Variants in SOX5 observed in about 807,000 individuals in gnomAD.
SOX5 encodes the protein SRY-box transcription factor 5, also known as transcription factor SOX-5.
SOX5 carries 9 observed loss-of-function variants against 92.0 expected under a neutral mutation model. The observed-to-expected ratio is 0.10, with a 90% confidence interval of 0.06 to 0.17. The LOEUF is 0.17. Ranked by LOEUF, SOX5 falls within the 10% of genes least tolerant of loss-of-function variation. The pLI is 1.00. For synonymous variants in SOX5, 344 were observed against 336.3 expected (o/e 1.02, Z -0.25); for missense variants, 642 against 944.5 (o/e 0.68, Z 4.20).
chr12:24,015,773 G>C (rs968961282), intron 4 of SOX5, among the ~76,000 whole-genome samples: 2 of 152,008 alleles, frequency 1.3e-5, no homozygotes, highest in African/African-American at 4.8e-5. Context: ...CATCAAAAAA[G>C]GGCGCCCAAA....
chr12:24,120,929 T>G (rs989801274), intron 4 of SOX5, among the ~76,000 whole-genome samples: 2 of 151,948 alleles, frequency 1.3e-5, no homozygotes, highest in African/African-American at 4.8e-5. Context: ...ATGAGAAAAA[T>G]TTACAGTCCT....
rs58384963 is a variant in SOX5 at position 24,245,235 on chromosome 12, TTGTGTGTG to T, written c.-76-31826_-76-31819del. On this transcript the variant is annotated intron_variant, in intron 3 of 4. Transcript: ENST00000446891. ...GAGCATCATTTGTGTTTGGAGAGATTTGTGTGTGTGTGTGTGTGTGTGTGTGTGTGTGT... is the reference window on the plus strand; with the variant it reads ...GAGCATCATTTGTGTTTGGAGAGATTTGTGTGTGTGTGTGTGTGTGTGTGT... Among the ~76,000 whole-genome samples, 359 of 144,352 alleles carry T rather than the reference TTGTGTGTG, an allele frequency of 2.5e-3. 1 individual carries two copies. The highest frequency in any genetic ancestry group is 8.7e-3 in the South Asian group (38 of 4,392). The allele number at this position is 144,352 out of a possible 152,430, so 94.7% of individuals were successfully genotyped here.
intron 1 of SOX5, among the ~76,000 whole-genome samples, chr12:24,514,302 C>A (rs1949581361): frequency 6.6e-6 from 1 of 152,066 alleles, no homozygotes. Flanking sequence ...CTAAATTAAC[C>A]CTCCAAGACA....
intron 6 of SOX5, among the ~76,000 whole-genome samples, chr12:23,699,282 A>G (rs2090303066): frequency 1.3e-5 from 2 of 152,176 alleles, no homozygotes; most frequent in South Asian, 2.1e-4. Context: ...AGCTGTGGAC[A>G]GTCACTGTGG....
intron 4 of SOX5, among the ~76,000 whole-genome samples, chr12:24,007,244 A>T (rs1177859562): frequency 4.3e-4 from 4 of 9,348 alleles, no homozygotes; most frequent in Non-Finnish European, 1.0e-3. Flanking sequence ...TATATATATA[A>T]ATGTATATAA....
At chr12:24,116,254 C>T (rs980682676) in intron 4 of SOX5, among the ~76,000 whole-genome samples, 3 of 152,000 alleles carry the variant, frequency 2.0e-5, no homozygotes, top group African/African-American at 7.2e-5. Context: ...TCTGGTGAAG[C>T]CTTTGAAACT....
chr12:23,550,920 A>G (rs1381922708), intron 11 of SOX5, among the ~76,000 whole-genome samples: 1 of 152,018 alleles, frequency 6.6e-6, no homozygotes, highest in Admixed American at 6.6e-5. Context: ...TAGTTACCTA[A>G]TCCTAAATTA....
At chr12:24,417,552 C>T (rs1405880868) in intron 1 of SOX5, among the ~76,000 whole-genome samples, 1 of 152,142 alleles carries the variant, frequency 6.6e-6, no homozygotes, top group East Asian at 1.9e-4. Flanking sequence ...TTAAGAACAG[C>T]TCAAAGACAT....
At chr12:24,524,973 C>CA (rs1222859875) in intron 1 of SOX5, among the ~76,000 whole-genome samples, 2 of 152,112 alleles carry the variant, frequency 1.3e-5, no homozygotes, top group East Asian at 3.9e-4. Flanking sequence ...CAAACAAACA[C>CA]AAAAAAAGTA....
At chr12:24,130,639 A>T (rs1279160952) in intron 4 of SOX5, among the ~76,000 whole-genome samples, 2 of 152,180 alleles carry the variant, frequency 1.3e-5, no homozygotes, top group Non-Finnish European at 2.9e-5. Flanking sequence ...GAGAAGAGAA[A>T]AGGAGACAGG....
At chr12:23,801,356 C>T (rs994072604) in intron 3 of SOX5, among the ~76,000 whole-genome samples, 1 of 152,128 alleles carries the variant, frequency 6.6e-6, no homozygotes, top group African/African-American at 2.4e-5. Flanking sequence ...ATAAGGCCTT[C>T]CTTCAATCTT....
intron 4 of SOX5, among the ~76,000 whole-genome samples, chr12:23,752,878 T>C (rs1247187072): frequency 6.6e-6 from 1 of 151,918 alleles, no homozygotes; most frequent in Non-Finnish European, 1.5e-5. Flanking sequence ...CAAAACCAGA[T>C]CGAGTGTCCT....
rs1481780725 is a variant in SOX5 at position 23,543,338 on chromosome 12, C to G, written c.1644G>C (p.Gly548=). ...TTATGTGGGGTTCATTGCTACCACGCCCTCGGGATTCCCTATAAATTCTTG... is the reference window on the plus strand; with the variant it reads ...TTATGTGGGGTTCATTGCTACCACGGCCTCGGGATTCCCTATAAATTCTTG... The part of the protein sequence containing the change: ...SESRIYRESR[G]RGSNEPHIKR... The change falls in exon 13 of 15, where the codon GGG becomes GGC. Residue 548 remains glycine, a synonymous_variant. Transcript: ENST00000451604. 1 of 1,613,808 alleles carries G rather than the reference C, an allele frequency of 6.2e-7. No individual in the cohort carries two copies. Among genetic ancestry groups the G allele is most frequent in the Admixed American group, 1.7e-5 (1 of 60,008 alleles).
chr12:24,289,358 C>T (rs1358256155), intron 2 of SOX5, among the ~76,000 whole-genome samples: 2 of 151,964 alleles, frequency 1.3e-5, no homozygotes, highest in African/African-American at 4.8e-5. Flanking sequence ...TCCATATTGA[C>T]AGACCATTCT....
intron 3 of SOX5, among the ~76,000 whole-genome samples, chr12:24,270,719 A>G (rs1376399340): frequency 2.0e-5 from 3 of 152,098 alleles, no homozygotes; most frequent in Non-Finnish European, 2.9e-5. Context: ...CTTTTACACT[A>G]GTATTTCTTG....
At chr12:23,590,327 T>C (rs1327908551) in intron 9 of SOX5, among the ~76,000 whole-genome samples, 2 of 152,018 alleles carry the variant, frequency 1.3e-5, no homozygotes, top group Admixed American at 6.6e-5. Context: ...TTTTACACAC[T>C]TGTATCTTTA....
intron 1 of SOX5, among the ~76,000 whole-genome samples, chr12:23,946,819 T>C (rs1414783090): frequency 1.3e-5 from 2 of 151,992 alleles, no homozygotes; most frequent in Non-Finnish European, 2.9e-5. Flanking sequence ...TCATAATCAG[T>C]TTATCACAAG....
intron 4 of SOX5, among the ~76,000 whole-genome samples, chr12:23,998,063 G>T (rs770107336): frequency 3.9e-5 from 6 of 151,986 alleles, no homozygotes; most frequent in Non-Finnish European, 5.9e-5. Flanking sequence ...AGGAAACTGT[G>T]ACCCAAACAC....
At chr12:24,304,795 G>A (rs1366243896) in intron 2 of SOX5, among the ~76,000 whole-genome samples, 5 of 152,134 alleles carry the variant, frequency 3.3e-5, no homozygotes, top group African/African-American at 1.2e-4. Context: ...CACGATTGTT[G>A]ATTCCGTGCC....
Sources: allele counts gnomAD v4.1 joint callset (sites outside exome capture counted in the v4.1 genomes callset), GRCh38; gene constraint gnomAD v4.1.1; transcripts MANE v1.5; gene names NCBI Gene and HGNC (gene_info 2026-07-23, HGNC 2026-07-21).